ITCH: variants seen among roughly 807,000 people sequenced by gnomAD.
The protein encoded by ITCH is E3 ubiquitin-protein ligase Itchy homolog.
A neutral mutation model predicts 126.8 loss-of-function variants in ITCH; 28 were observed. The observed-to-expected ratio is 0.22, with a 90% CI of 0.16 to 0.30. ITCH has a LOEUF of 0.30. Among genes scored for constraint, ITCH ranks in the 10% least tolerant of loss-of-function variants. The pLI is 1.00. For missense variants in ITCH, 631 were observed against 1,032.4 expected (o/e 0.61, Z 5.33); for synonymous variants, 342 against 340.0 (o/e 1.01, Z -0.06).
intron 2 of ITCH, chr20:34,369,691 T>A (rs2037546424): frequency 2.6e-6 from 1 of 378,466 alleles, no homozygotes; most frequent in Non-Finnish European, 4.7e-6. Context: ...GACTTTTCTG[T>A]TTTTGTAGAT....
At chr20:34,456,645 T>A (rs6058049) in intron 12 of ITCH, among the ~76,000 whole-genome samples, 92,314 of 139,546 alleles carry the variant, frequency 0.66, 30,217 homozygotes, top group South Asian at 0.76. Context: ...AAAAAAAAAA[T>A]ATATATATAT....
chr20:34,481,167 A>G lies in ITCH; in HGVS notation c.2054A>G (p.Asn685Ser), dbSNP rs1322957108. Residue 685 changes from asparagine (N) to serine (S), a missense_variant, in exon 20 of 25, where the codon AAT becomes AGT. Around this residue, in one of 4 missense-constraint regions of ITCH, gnomAD observed 390 missense variants for 731.6 expected, o/e 0.53. Transcript: ENST00000374864. ...KSHDLKPNGGNILVTEENKEE... is the reference protein window; with the variant it reads ...KSHDLKPNGGSILVTEENKEE... ...CATGATCTGAAACCTAATGGTGGCA[A>G]TATTCTTGTAACAGAAGAAAATAAA... 1 of 1,613,484 alleles carries G rather than the reference A, an allele frequency of 6.2e-7. No homozygotes were observed. The highest frequency in any genetic ancestry group is 1.1e-5 in the South Asian group (1 of 91,068).
chr20:34,453,285 A>G (rs999602964), intron 12 of ITCH, among the ~76,000 whole-genome samples: 1 of 152,210 alleles, frequency 6.6e-6, no homozygotes, highest in African/African-American at 2.4e-5. Context: ...CTGAAAGGAA[A>G]ATCTTGGCCT....
At chr20:34,433,497 G>A (rs192435201) in intron 7 of ITCH, among the ~76,000 whole-genome samples, 6 of 152,198 alleles carry the variant, frequency 3.9e-5, no homozygotes, top group African/African-American at 1.4e-4. Flanking sequence ...GGTCACCATG[G>A]ATAAACCCTG....
intron 5 of ITCH, 63 bp from the exon 6 acceptor site, chr20:34,413,679 C>G: frequency 7.0e-7 from 1 of 1,436,442 alleles, no homozygotes; most frequent in East Asian, 2.3e-5. Context: ...TAATTTTTAA[C>G]AGTTAAGATG....
At chr20:34,491,431 C>T (rs1398748706) in intron 22 of ITCH, among the ~76,000 whole-genome samples, 1 of 152,026 alleles carries the variant, frequency 6.6e-6, no homozygotes, top group East Asian at 1.9e-4. Flanking sequence ...TTAATGTGTA[C>T]ATAGGTTTTA....
intron 19 of ITCH, 49 bp from the exon 20 acceptor site, chr20:34,481,017 A>G (rs1248684795): frequency 6.3e-6 from 10 of 1,582,894 alleles, no homozygotes; most frequent in Non-Finnish European, 8.7e-6. Context: ...CTTATAAATT[A>G]TGATTGAATT....
rs1978779706 is a variant in ITCH at position 34,511,277 on chromosome 20, A to G, written c.*3483A>G. 1 of 152,206 alleles carries G rather than the reference A, an allele frequency of 6.6e-6. No individual in the cohort carries two copies. The highest frequency in any genetic ancestry group is 2.1e-4 in the South Asian group (1 of 4,832). The allele number at this position is 152,206 out of a possible 1,614,324, so 9.4% of individuals were successfully genotyped here. ...ATCTGTTACTTTTAATACTCAGGTA[A>G]TGCTACAAATATTACAGGGAGTCAA... On this transcript the variant is annotated 3_prime_UTR_variant, in exon 25 of 25. Transcript: ENST00000374864.
chr20:34,423,159 T>C lies in ITCH; in HGVS notation c.476-1321T>C, dbSNP rs566118566. On this transcript the variant is annotated intron_variant, in intron 6 of 24. Coordinates refer to ENST00000374864, the MANE Select transcript of ITCH (RefSeq NM_031483.7). ...TTTGTATAAATGGAATCATAAAATA[T>C]CTGTTTTTTGTGTCTGGCTTCTTTC... Among the ~76,000 whole-genome samples, 4 of 152,340 alleles carry C rather than the reference T, an allele frequency of 2.6e-5. No homozygotes were observed. The South Asian group carries it at 8.3e-4, about 32-fold the overall frequency.
At chr20:34,454,860 G>A (rs1245518070) in intron 12 of ITCH, among the ~76,000 whole-genome samples, 30 of 76,034 alleles carry the variant, frequency 3.9e-4, no homozygotes, top group African/African-American at 1.7e-3. Context: ...ATGGAGTTTT[G>A]CTCTTGTCGC....
chr20:34,434,902 G>A (rs1982803417), intron 7 of ITCH, among the ~76,000 whole-genome samples: 1 of 152,080 alleles, frequency 6.6e-6, no homozygotes, highest in African/African-American at 2.4e-5. Flanking sequence ...CCAGTTTTAG[G>A]TATTTGAATA....
At chr20:34,378,499 TA>T (rs759045132) in intron 2 of ITCH, among the ~76,000 whole-genome samples, 2,201 of 110,754 alleles carry the variant, frequency 0.02, 26 homozygotes, top group Non-Finnish European at 0.029. Context: ...AAAAAAGATG[TA>T]AAAAAAAAAA....
At chr20:34,464,043 C>T (rs1306410988) in intron 14 of ITCH, among the ~76,000 whole-genome samples, 8 of 152,076 alleles carry the variant, frequency 5.3e-5, no homozygotes, top group African/African-American at 1.4e-4. Context: ...GGCACAATCT[C>T]GGCTCACTGC....
chr20:34,507,896 G>T lies in ITCH; in HGVS notation c.*102G>T. On this transcript the variant is annotated 3_prime_UTR_variant, in exon 25 of 25. Transcript: ENST00000374864. ...TAAAATTGGACAATGGCTCTTTAGA[G>T]AGTTATCTGAGTGTAAGTAAATTAA... The T allele has an allele frequency of 1.3e-6, 1 of 789,276 alleles. No individual in the cohort carries two copies. The highest frequency in any genetic ancestry group is 2.2e-6 in the Non-Finnish European group (1 of 448,448). 48.9% of individuals were successfully genotyped at this position (789,276 alleles called of 1,614,324 possible).
intron 2 of ITCH, among the ~76,000 whole-genome samples, chr20:34,382,213 G>C (rs1220102523): frequency 6.6e-6 from 1 of 152,068 alleles, no homozygotes; most frequent in Non-Finnish European, 1.5e-5. Context: ...GTGGTAATTT[G>C]GTTCCTCTCC....
chr20:34,448,307 CA>C (rs1984720594), intron 11 of ITCH, among the ~76,000 whole-genome samples: 1 of 151,818 alleles, frequency 6.6e-6, no homozygotes. Context: ...GCAGGAGAAT[CA>C]CTTGAACCTG....
At chr20:34,415,797 GCC>G (rs1979746281) in intron 6 of ITCH, among the ~76,000 whole-genome samples, 1 of 152,004 alleles carries the variant, frequency 6.6e-6, no homozygotes, top group Non-Finnish European at 1.5e-5. Context: ...CCTAAGCTTC[GCC>G]CATAGAAGAT....
chr20:34,398,123 C>T (rs544433940), intron 3 of ITCH, among the ~76,000 whole-genome samples: 24 of 151,970 alleles, frequency 1.6e-4, no homozygotes, highest in Middle Eastern at 3.4e-3. Context: ...TGTGCAGCAG[C>T]GTGATCATGG....
At chr20:34,443,283 G>A (rs1311281100) in intron 10 of ITCH, among the ~76,000 whole-genome samples, 1 of 151,964 alleles carries the variant, frequency 6.6e-6, no homozygotes, top group South Asian at 2.1e-4. Context: ...AGGCTGAGGT[G>A]GGGGGATCAT....
Sources: gnomAD v4.1 joint callset for allele counts (sites outside exome capture counted in the v4.1 genomes callset) on GRCh38, gnomAD v4.1.1 for gene constraint, gnomAD v4.1.1 regional missense constraint, MANE v1.5 for transcripts, NCBI Gene and HGNC (gene_info 2026-07-23, HGNC 2026-07-21) for gene names.